Variants in TTC39B observed in about 807,000 individuals in gnomAD.
The protein encoded by TTC39B is tetratricopeptide repeat protein 39B.
TTC39B carries 92 observed loss-of-function variants against 96.6 expected under a neutral mutation model. That is an observed-to-expected ratio of 0.95 (90% CI 0.80 to 1.13). The LOEUF is 1.13. TTC39B is among the 50% of genes most tolerant of loss of function. TTC39B has a pLI of 0.00. For missense variants in TTC39B, 955 were observed against 809.3 expected (o/e 1.18, Z -2.18); for synonymous variants, 367 against 299.4 (o/e 1.23, Z -2.33).
intron 16 of TTC39B, 93 bp from the exon 17 acceptor site, chr9:15,182,508 T>C: frequency 1.2e-6 from 1 of 840,232 alleles, no homozygotes; most frequent in Non-Finnish European, 1.8e-6. Context: ...TTTGCTTCGG[T>C]TTCTAGGAAC....
intron 2 of TTC39B, among the ~76,000 whole-genome samples, chr9:15,259,057 G>A (rs1410941989): frequency 6.6e-6 from 1 of 152,136 alleles, no homozygotes; most frequent in African/African-American, 2.4e-5. Context: ...AGCAAGCCCA[G>A]TGGTAACAGA....
At chr9:15,233,105 G>C (rs1821522043) in intron 2 of TTC39B, among the ~76,000 whole-genome samples, 1 of 152,200 alleles carries the variant, frequency 6.6e-6, no homozygotes, top group Non-Finnish European at 1.5e-5. Flanking sequence ...GGCGGGGTCA[G>C]TCCAGAAGCC....
chr9:15,278,003 A>G (rs967579304), intron 1 of TTC39B, among the ~76,000 whole-genome samples: 3 of 152,362 alleles, frequency 2.0e-5, no homozygotes, highest in African/African-American at 7.2e-5. Context: ...TGTCACTGTC[A>G]CAAAAAAAAT....
intron 3 of TTC39B, among the ~76,000 whole-genome samples, chr9:15,217,903 A>G (rs1188822149): frequency 6.6e-6 from 1 of 152,172 alleles, no homozygotes; most frequent in Non-Finnish European, 1.5e-5. Flanking sequence ...ATGATGAGCA[A>G]GGCAATTTAA....
intron 1 of TTC39B, among the ~76,000 whole-genome samples, chr9:15,272,968 A>C (rs889346650): frequency 6.6e-6 from 1 of 152,226 alleles, no homozygotes; most frequent in African/African-American, 2.4e-5. Context: ...CCTCCAGATC[A>C]TAGAAACTGC....
intron 11 of TTC39B, 144 bp downstream of exon 11, chr9:15,190,410 A>G: frequency 1.6e-6 from 1 of 638,762 alleles, no homozygotes; most frequent in Non-Finnish European, 2.8e-6. Context: ...CAGTGACGTG[A>G]TCATAGCTCA....
rs1377177322 is a variant in TTC39B, at chr9:15,306,347, G to A, written c.240+737C>T. ...GGGTGCTCAGGCCCGGGCGCGCCACGACTGAAGGAGTGGCTAATTACTCAA... is the reference window on the plus strand; with the variant it reads ...GGGTGCTCAGGCCCGGGCGCGCCACAACTGAAGGAGTGGCTAATTACTCAA... On this transcript the variant is annotated intron_variant, in intron 1 of 19. Transcript: ENST00000512701. The surrounding 1 kb of genome is among the most constrained non-coding windows in gnomAD (Gnocchi z 5.1). Among the ~76,000 whole-genome samples the A allele has an allele frequency of 2.0e-5, 3 of 152,206 alleles. No homozygotes were observed. The highest frequency in any genetic ancestry group is 7.2e-5 in the African/African-American group (3 of 41,448).
At chr9:15,207,569 G>GA (rs1564346298) in intron 6 of TTC39B, among the ~76,000 whole-genome samples, 1 of 152,156 alleles carries the variant, frequency 6.6e-6, no homozygotes, top group Non-Finnish European at 1.5e-5. Flanking sequence ...GCTAGGTGGG[G>GA]AATCCTGGCC....
intron 1 of TTC39B, among the ~76,000 whole-genome samples, chr9:15,279,978 C>G (rs1384195263): frequency 6.7e-6 from 1 of 149,522 alleles, no homozygotes; most frequent in African/African-American, 2.5e-5. Flanking sequence ...TCAGTGCAAC[C>G]TCCACCCCCC....
At position 15,184,472 on chromosome 9, in the gene TTC39B, G is replaced by A. The variant is rs116457820; in HGVS notation, c.1614+808C>T. On this transcript the variant is annotated intron_variant, in intron 16 of 19. Transcript: ENST00000512701. ...CCCAGAGTGGAGGACTGCAGACATC[G>A]GTTACACTGAACAGCTTTCCTGTGC... Among the ~76,000 whole-genome samples, 1,082 of 149,856 alleles carry A rather than the reference G, an allele frequency of 7.2e-3. 15 individuals carry two copies. The highest frequency in any genetic ancestry group is 0.024 in the African/African-American group (991 of 40,928).
intron 2 of TTC39B, among the ~76,000 whole-genome samples, chr9:15,260,828 A>C (rs1195583131): frequency 6.6e-6 from 1 of 152,096 alleles, no homozygotes; most frequent in Non-Finnish European, 1.5e-5. Flanking sequence ...GGCTAAAAAA[A>C]TCTGCCTATT....
intron 2 of TTC39B, among the ~76,000 whole-genome samples, chr9:15,242,745 T>C (rs1277427640): frequency 3.3e-5 from 5 of 152,230 alleles, no homozygotes; most frequent in African/African-American, 1.2e-4. Context: ...ATAATGTATA[T>C]ACATAGAATA....
intron 1 of TTC39B, among the ~76,000 whole-genome samples, chr9:15,273,920 C>T (rs573634942): frequency 6.6e-6 from 1 of 152,318 alleles, no homozygotes; most frequent in South Asian, 2.1e-4. Context: ...GTATTAGGTT[C>T]TACGGAATAC....
chr9:15,231,549 T>C (rs1821422504), intron 2 of TTC39B, among the ~76,000 whole-genome samples: 1 of 152,240 alleles, frequency 6.6e-6, no homozygotes, highest in African/African-American at 2.4e-5. Context: ...TTGAGTTACT[T>C]ATCTTTTTAT....
chr9:15,240,733 G>T (rs1199317067), intron 2 of TTC39B, among the ~76,000 whole-genome samples: 2 of 152,118 alleles, frequency 1.3e-5, no homozygotes, highest in Admixed American at 6.6e-5. Flanking sequence ...ACATGAAGAA[G>T]TCAGAATACA....
intron 1 of TTC39B, among the ~76,000 whole-genome samples, chr9:15,286,481 G>A (rs1178234570): frequency 1.3e-5 from 2 of 152,204 alleles, no homozygotes; most frequent in Non-Finnish European, 1.5e-5. Flanking sequence ...AGGCACAGAT[G>A]TTCATCTCCT....
chr9:15,211,357 T>C, exon 5 of TTC39B: 2 of 1,597,674 alleles, frequency 1.3e-6, no homozygotes, highest in Non-Finnish European at 1.7e-6. Flanking sequence ...AACACCACAA[T>C]GGTACTGTAG....
In TTC39B at chr9:15,221,836, G is replaced by C. The variant is rs182187139; in HGVS notation, c.371+4081C>G. On this transcript the variant is annotated intron_variant, in intron 3 of 19. Coordinates refer to ENST00000512701, the Ensembl canonical transcript of TTC39B. Reference sequence around the variant, plus strand: ...ATGCCCCTTCTTCCTATCCTGATTTGTTAATAAGCACAATTATAATAAGTT... The same window carrying C: ...ATGCCCCTTCTTCCTATCCTGATTTCTTAATAAGCACAATTATAATAAGTT... 4.2e-3 allele frequency among the ~76,000 whole-genome samples: 638 copies of C among 152,154 alleles called. 2 individuals are homozygous for C. The highest frequency in any genetic ancestry group is 0.037 in the Middle Eastern group (11 of 294).
At chr9:15,214,358 G>GTGTC (rs1179624373) in intron 3 of TTC39B, 109 bp from the exon 4 acceptor site, 2 of 730,584 alleles carry the variant, frequency 2.7e-6, no homozygotes, top group Non-Finnish European at 4.5e-6. Context: ...CTGTGTGTGT[G>GTGTC]TGTCTGTGTG....
Sources: gnomAD v4.1 joint callset for allele counts (sites outside exome capture counted in the v4.1 genomes callset) on GRCh38, gnomAD v4.1.1 for gene constraint, Gnocchi (gnomAD v3.1) non-coding constraint, MANE v1.5 for transcripts, NCBI Gene and HGNC (gene_info 2026-07-23, HGNC 2026-07-21) for gene names.